Variants in PTPRD observed in about 807,000 individuals in gnomAD.
PTPRD encodes receptor-type tyrosine-protein phosphatase delta.
Under a neutral mutation model 214.5 loss-of-function variants are expected in PTPRD, and 34 were observed. That is an observed-to-expected ratio of 0.16 (90% CI 0.12 to 0.21). PTPRD has a LOEUF of 0.21. Ranked by LOEUF, PTPRD falls within the 10% of genes least tolerant of loss-of-function variation. The pLI is 1.00. For synonymous variants in PTPRD, 1,128 were observed against 845.7 expected (o/e 1.33, Z -5.79); for missense variants, 2,545 against 2,398.7 (o/e 1.06, Z -1.27).
Position 8,951,320 on chromosome 9 carries a change from C to CTT in PTPRD, c.-104+67375_-104+67376dup, listed in dbSNP as rs35028756. 1.1e-3 allele frequency among the ~76,000 whole-genome samples: 137 copies of CTT among 128,358 alleles called. 1 individual carries two copies. Among genetic ancestry groups the CTT allele is most frequent in the Middle Eastern group, 4.2e-3 (1 of 240 alleles). The allele number at this position is 128,358 out of a possible 152,430, so 84.2% of individuals were successfully genotyped here. ...TTAATTATTTCTCTGCTGGATCCTC[C>CTT]TTTTTTTTTTTTTTTTTTCAGTCCC... On this transcript the variant is annotated intron_variant, in intron 11 of 45. Coordinates refer to ENST00000381196, the MANE Select transcript of PTPRD (RefSeq NM_002839.4).
chr9:10,315,976 G>T (rs1398624013), intron 3 of PTPRD, among the ~76,000 whole-genome samples: 1 of 151,704 alleles, frequency 6.6e-6, no homozygotes, highest in Non-Finnish European at 1.5e-5. Flanking sequence ...ATCCAGATTA[G>T]CCACTGTGGA....
intron 2 of PTPRD, among the ~76,000 whole-genome samples, chr9:10,467,801 A>G (rs2099004628): frequency 6.6e-6 from 1 of 152,234 alleles, no homozygotes; most frequent in African/African-American, 2.4e-5. Flanking sequence ...AATATAAATT[A>G]AAAACAAACC....
At chr9:10,591,270 T>C (rs1003951617) in intron 2 of PTPRD, among the ~76,000 whole-genome samples, 25 of 152,014 alleles carry the variant, frequency 1.6e-4, no homozygotes, top group South Asian at 2.1e-4. Flanking sequence ...TGTATGTGTG[T>C]ATGTCTGTGG....
intron 2 of PTPRD, among the ~76,000 whole-genome samples, chr9:10,607,220 C>T (rs1487059640): frequency 1.3e-5 from 2 of 151,648 alleles, no homozygotes; most frequent in Non-Finnish European, 3.0e-5. Context: ...AAAATATTTA[C>T]TTATTATAAT....
intron 11 of PTPRD, among the ~76,000 whole-genome samples, chr9:8,981,350 G>A (rs76337238): frequency 0.018 from 2,701 of 152,100 alleles, 77 homozygotes; most frequent in African/African-American, 0.062. Context: ...TTGTTAATAT[G>A]CTAGAAATTA....
chr9:9,912,495 G>A (rs907147419), intron 5 of PTPRD, among the ~76,000 whole-genome samples: 3 of 152,110 alleles, frequency 2.0e-5, no homozygotes, highest in Non-Finnish European at 4.4e-5. Flanking sequence ...GGTTGAGATT[G>A]CACTGACACT....
chr9:9,439,644 C>A (rs1423349426), intron 8 of PTPRD, among the ~76,000 whole-genome samples: 2 of 152,114 alleles, frequency 1.3e-5, no homozygotes, highest in African/African-American at 4.8e-5. Context: ...TTCTTCAGAT[C>A]CCTTACTTTG....
At chr9:9,614,580 C>G (rs1231844271) in intron 7 of PTPRD, among the ~76,000 whole-genome samples, 1 of 152,152 alleles carries the variant, frequency 6.6e-6, no homozygotes, top group East Asian at 1.9e-4. Flanking sequence ...TATGTTTAGG[C>G]AGCTTTCAAA....
At chr9:8,737,205 T>C (rs2090663969) in intron 11 of PTPRD, among the ~76,000 whole-genome samples, 1 of 152,202 alleles carries the variant, frequency 6.6e-6, no homozygotes, top group African/African-American at 2.4e-5. Context: ...TGATAGGATC[T>C]AGCACTCTAG....
chr9:8,991,357 G>C (rs1351419611), intron 11 of PTPRD, among the ~76,000 whole-genome samples: 1 of 152,214 alleles, frequency 6.6e-6, no homozygotes, highest in African/African-American at 2.4e-5. Flanking sequence ...TTTTGTTATA[G>C]GAGTGTCAGC....
In PTPRD at chr9:10,460,444, G is replaced by T. The variant is rs547269196; in HGVS notation, c.-599-119427C>A. Among the ~76,000 whole-genome samples the T allele has an allele frequency of 1.9e-3, 273 of 147,296 alleles. 3 individuals carry two copies. The highest frequency in any genetic ancestry group is 3.4e-3 in the Non-Finnish European group (229 of 66,648). ...CAAAACAATTCTGAAAAAAAAAAAA[G>T]TTGAAAACATCATACTTCCTGATTC... is the stretch of plus-strand genomic sequence containing the variant. On this transcript the variant is annotated intron_variant, in intron 2 of 45. Coordinates refer to ENST00000381196, the MANE Select transcript of PTPRD (RefSeq NM_002839.4).
intron 3 of PTPRD, among the ~76,000 whole-genome samples, chr9:10,296,775 C>A (rs1435240957): frequency 6.6e-6 from 1 of 152,022 alleles, no homozygotes; most frequent in Non-Finnish European, 1.5e-5. Context: ...TAGTGAAATT[C>A]CAGGCATGGT....
intron 4 of PTPRD, among the ~76,000 whole-genome samples, chr9:9,960,570 T>A (rs2094292790): frequency 6.6e-6 from 1 of 152,102 alleles, no homozygotes; most frequent in African/African-American, 2.4e-5. Flanking sequence ...CATGTACTTT[T>A]GATGGGATGA....
chr9:9,392,710 C>G (rs1031940295), intron 9 of PTPRD, among the ~76,000 whole-genome samples: 9 of 152,154 alleles, frequency 5.9e-5, no homozygotes, highest in African/African-American at 1.9e-4. Flanking sequence ...TAATGCATTT[C>G]TTCTTGGCTA....
intron 8 of PTPRD, among the ~76,000 whole-genome samples, chr9:9,437,472 T>C (rs1324060847): frequency 6.6e-6 from 1 of 152,142 alleles, no homozygotes; most frequent in African/African-American, 2.4e-5. Context: ...TCAAAGGGTC[T>C]GAGACTGTTG....
intron 9 of PTPRD, among the ~76,000 whole-genome samples, chr9:9,233,109 A>G (rs919494634): frequency 7.9e-5 from 12 of 152,148 alleles, no homozygotes; most frequent in African/African-American, 2.9e-4. Flanking sequence ...TGCTGCTATG[A>G]AGAAATACCA....
chr9:9,089,079 T>C lies in PTPRD; in HGVS notation c.-142-70344A>G, dbSNP rs78810877. 6.3e-3 allele frequency among the ~76,000 whole-genome samples: 955 copies of C among 152,232 alleles called. 10 individuals carry two copies. Among genetic ancestry groups the C allele is most frequent in the African/African-American group, 0.022 (895 of 41,552 alleles). On this transcript the variant is annotated intron_variant, in intron 10 of 45. Transcript: ENST00000381196. ...AGGTCTTTCTCAAATAATTTGTGAC[T>C]TGCTAAAAAAGTCAACAAAACCCTT...
chr9:10,384,857 A>G (rs1565690184), intron 2 of PTPRD, among the ~76,000 whole-genome samples: 1 of 151,806 alleles, frequency 6.6e-6, no homozygotes, highest in East Asian at 1.9e-4. Flanking sequence ...AACGATGTAT[A>G]AAATTGTTCT....
In PTPRD at chr9:10,432,315, T is replaced by A. The variant is rs368173175; in HGVS notation, c.-599-91298A>T. Among the ~76,000 whole-genome samples, 436 of 145,720 alleles carry A rather than the reference T, an allele frequency of 3.0e-3. 2 individuals carry two copies. The highest frequency in any genetic ancestry group is 9.4e-3 in the African/African-American group (375 of 39,862). ...GTGGGGGGAGGGGGGAGGGATAGCA[T>A]TGGGAGATATACCTAATGCTAGATG... On this transcript the variant is annotated intron_variant, in intron 2 of 45. Transcript: ENST00000381196.
Sources: gnomAD v4.1 joint callset for allele counts (sites outside exome capture counted in the v4.1 genomes callset) on GRCh38, gnomAD v4.1.1 for gene constraint, MANE v1.5 for transcripts, NCBI Gene and HGNC (gene_info 2026-07-23, HGNC 2026-07-21) for gene names.